Variants in VSTM2A observed in about 807,000 individuals in gnomAD.
VSTM2A encodes V-set and transmembrane domain-containing protein 2A.
In VSTM2A, 13 loss-of-function variants were observed where a neutral mutation model predicts 27.3. That is an observed-to-expected ratio of 0.48 (90% CI 0.31 to 0.76). The LOEUF (loss-of-function observed/expected upper bound fraction) is 0.76, where lower values mean the gene tolerates loss of function less well. VSTM2A is among the 30% of genes least tolerant of loss of function. The pLI, the probability that VSTM2A is intolerant of heterozygous loss-of-function variation, is 0.05. For synonymous variants in VSTM2A, 142 were observed against 125.7 expected, an observed-to-expected ratio of 1.13 and a Z score of -0.87; for missense variants, 280 against 310.0, an observed-to-expected ratio of 0.90 and a Z score of 0.73.
In VSTM2A at chr7:54,544,745, G is replaced by T. The variant is rs780503075; in HGVS notation, c.203G>T (p.Gly68Val). 2 of 1,612,252 alleles carry T rather than the reference G, an allele frequency of 1.2e-6. No individual in the cohort carries two copies. Among genetic ancestry groups the T allele is most frequent in the African/African-American group, 1.3e-5 (1 of 74,924 alleles). ...GAGATCCAATGGTGGTTCCTGCGGG[G>T]GCCGGAGGACCTGGATCCCGGGGCC... ...YLEIQWWFLR[G>V]PEDLDPGAEG... The change falls in exon 2 of 5, where the codon GGG (glycine) becomes GTG (valine). Residue 68 changes from glycine (G) to valine (V), a missense_variant. Transcript: ENST00000402613.
Position 54,544,710 on chromosome 7 carries a change from G to T in VSTM2A, c.168G>T (p.Ser56=), listed in dbSNP as rs1229335101. Residue 56 remains serine, a synonymous_variant, in exon 2 of 5, where the codon TCG becomes TCT. Coordinates refer to ENST00000402613, the MANE Select transcript of VSTM2A (RefSeq NM_001301009.2). ...MSCAFQSGSA[S]VYLEIQWWFL... Reference sequence around the variant, plus strand: ...GCGCCTTCCAGAGCGGCTCCGCCTCGGTGTATCTGGAGATCCAATGGTGGT... The same window carrying T: ...GCGCCTTCCAGAGCGGCTCCGCCTCTGTGTATCTGGAGATCCAATGGTGGT... The T allele has an allele frequency of 6.2e-7, 1 of 1,612,642 alleles. No homozygotes were observed. The highest frequency in any genetic ancestry group is 1.1e-5 in the South Asian group (1 of 91,086).
chr7:54,554,304 A>T (rs1788284073), intron 4 of VSTM2A, among the ~76,000 whole-genome samples: 1 of 152,058 alleles, frequency 6.6e-6, no homozygotes, highest in Admixed American at 6.6e-5. Context: ...CCCCAACTAA[A>T]TTCCTCTCTT....
intron 4 of VSTM2A, among the ~76,000 whole-genome samples, chr7:54,567,512 T>A (rs1271332919): frequency 6.6e-6 from 1 of 152,232 alleles, no homozygotes; most frequent in African/African-American, 2.4e-5. Flanking sequence ...AGCCATGTCC[T>A]ATGAAGGGTT....
chr7:54,550,926 G>A (rs3862849), intron 4 of VSTM2A: 44,333 of 152,038 alleles, frequency 0.29, 7,844 homozygotes, highest in East Asian at 0.56. Flanking sequence ...CCCCGCGGCC[G>A]TCCCGATTTC....
rs1252852908 is a variant in VSTM2A, at chr7:54,570,084, C to G, written c.*865C>G. The G allele has an allele frequency of 6.6e-6, 1 of 152,134 alleles. No individual in the cohort carries two copies. Among genetic ancestry groups the G allele is most frequent in the Admixed American group, 6.5e-5 (1 of 15,284 alleles). The allele number at this position is 152,134 out of a possible 1,614,324, so 9.4% of individuals were successfully genotyped here. A position where few individuals can be genotyped will look rare whatever the true frequency, so the allele number is the denominator to read the frequency against. ...AGATGGTCTCTATTGTCCTCTGCTT[C>G]ATTCTGGAAAGTGCATATTCAAAAT... On this transcript the variant is annotated 3_prime_UTR_variant, in exon 5 of 5. Transcript: ENST00000402613.
chr7:54,559,588 A>G (rs1292023032), intron 4 of VSTM2A: 1 of 152,208 alleles, frequency 6.6e-6, no homozygotes, highest in African/African-American at 2.4e-5. Flanking sequence ...GTCAGGGAAG[A>G]GTACTCACAA....
intron 1 of VSTM2A, among the ~76,000 whole-genome samples, chr7:54,544,376 T>C (rs1446202807): frequency 6.6e-6 from 1 of 152,212 alleles, no homozygotes; most frequent in African/African-American, 2.4e-5. Flanking sequence ...CTAAGAGTTA[T>C]TGGCAAGCTT....
intron 2 of VSTM2A, 199 bp from the exon 3 acceptor site, chr7:54,546,748 G>C: frequency 1.8e-6 from 1 of 562,196 alleles, no homozygotes; most frequent in East Asian, 3.5e-5. Flanking sequence ...GGGTATGCCA[G>C]GGACAGCGTG....
At chr7:54,552,196 T>G (rs974487820) in intron 4 of VSTM2A, 2 of 152,176 alleles carry the variant, frequency 1.3e-5, no homozygotes, top group African/African-American at 2.4e-5. Flanking sequence ...GAAGTCTATA[T>G]TCATTAAAAG....
intron 4 of VSTM2A, among the ~76,000 whole-genome samples, chr7:54,568,832 C>T (rs142264395): frequency 3.9e-5 from 6 of 152,286 alleles, no homozygotes; most frequent in Admixed American, 2.0e-4. Flanking sequence ...ACACCAACTT[C>T]CTGGGACTGA....
chr7:54,546,746 C>T (rs958230606), intron 2 of VSTM2A: 1 of 558,950 alleles, frequency 1.8e-6, no homozygotes, highest in Non-Finnish European at 3.1e-6. Flanking sequence ...TGGGGTATGC[C>T]AGGGACAGCG....
chr7:54,544,739 T>G lies in VSTM2A; in HGVS notation c.197T>G (p.Leu66Arg). Reference protein sequence around the residue: ...SVYLEIQWWFLRGPEDLDPGA... With the variant: ...SVYLEIQWWFRRGPEDLDPGA... ...TATCTGGAGATCCAATGGTGGTTCC[T>G]GCGGGGGCCGGAGGACCTGGATCCC... Residue 66 changes from leucine (L) to arginine (R), a missense_variant, in exon 2 of 5, where the codon CTG (leucine) becomes CGG (arginine). Physicochemically the swap from Leu to Arg is moderately radical, Grantham distance 102 (BLOSUM62 -2). Transcript: ENST00000402613. The G allele has an allele frequency of 6.2e-7, 1 of 1,612,354 alleles. No homozygotes were observed. Among genetic ancestry groups the G allele is most frequent in the Middle Eastern group, 1.7e-4 (1 of 6,050 alleles).
chr7:54,560,507 G>A (rs6949924), intron 4 of VSTM2A, among the ~76,000 whole-genome samples: 1 of 151,998 alleles, frequency 6.6e-6, no homozygotes, highest in East Asian at 1.9e-4. Context: ...CAAGGGAGAT[G>A]AAAGTGAGGA....
intron 4 of VSTM2A, chr7:54,554,164 C>T (rs1187915881): frequency 1.3e-6 from 2 of 1,509,366 alleles, no homozygotes; most frequent in Admixed American, 2.0e-5. Context: ...CACATCTCGT[C>T]CTTCCCAGTC....
intron 4 of VSTM2A, among the ~76,000 whole-genome samples, chr7:54,567,333 T>C (rs575520798): frequency 3.9e-4 from 60 of 152,336 alleles, no homozygotes; most frequent in East Asian, 3.3e-3. Flanking sequence ...AAGTTCAAAA[T>C]GTTAGTAGCC....
At chr7:54,546,898 T>TGGTCGGGC in intron 2 of VSTM2A, 49 bp from the exon 3 acceptor site, 11 of 1,590,128 alleles carry the variant, frequency 6.9e-6, no homozygotes, top group Non-Finnish European at 9.4e-6. Context: ...TGGGAGCGGG[T>TGGTCGGGC]GGTCGGGCGG....
intron 4 of VSTM2A, among the ~76,000 whole-genome samples, chr7:54,563,670 C>A (rs1197712841): frequency 6.6e-6 from 1 of 152,188 alleles, no homozygotes; most frequent in African/African-American, 2.4e-5. Flanking sequence ...GTCCTGTAGA[C>A]CTGCGTTCGT....
chr7:54,550,960 A>G (rs1788172460), intron 4 of VSTM2A: 1 of 152,212 alleles, frequency 6.6e-6, no homozygotes, highest in Non-Finnish European at 1.5e-5. Flanking sequence ...CATGGGATGA[A>G]GGGAGCACAA....
At chr7:54,561,927 G>GT (rs10711749) in intron 4 of VSTM2A, among the ~76,000 whole-genome samples, 2,062 of 150,716 alleles carry the variant, frequency 0.014, 33 homozygotes, top group African/African-American at 0.04. Context: ...TTTTTTGTTT[G>GT]TTTTTTTTTG....
Sources: gnomAD v4.1 joint callset for allele counts (sites outside exome capture counted in the v4.1 genomes callset) on GRCh38, gnomAD v4.1.1 for gene constraint, MANE v1.5 for transcripts, NCBI Gene and HGNC (gene_info 2026-07-23, HGNC 2026-07-21) for gene names.